CDYL2: variants seen among roughly 807,000 people sequenced by gnomAD.
CDYL2 encodes the protein chromodomain Y-like protein 2.
A neutral mutation model predicts 49.4 loss-of-function variants in CDYL2; 23 were observed. The ratio of observed to expected loss-of-function variants is 0.47; its 90% CI spans 0.34 to 0.66. CDYL2 has a LOEUF of 0.66. CDYL2 is among the 30% of genes least tolerant of loss of function. The pLI, the probability that CDYL2 is intolerant of heterozygous loss-of-function variation, is 0.01. For synonymous variants in CDYL2, 360 were observed against 268.8 expected, an observed-to-expected ratio of 1.34 and a Z score of -3.32; for missense variants, 678 against 656.4, an observed-to-expected ratio of 1.03 and a Z score of -0.36.
At chr16:80,752,327 C>G (rs1005969767) in intron 1 of CDYL2, among the ~76,000 whole-genome samples, 3 of 151,806 alleles carry the variant, frequency 2.0e-5, no homozygotes, top group African/African-American at 7.3e-5. Context: ...GACTGGTGTC[C>G]TAGAAGAGGA....
intron 2 of CDYL2, among the ~76,000 whole-genome samples, chr16:80,656,457 G>A (rs1362483536): frequency 2.0e-5 from 3 of 152,234 alleles, no homozygotes; most frequent in South Asian, 2.1e-4. Context: ...CAACTTGCTC[G>A]CCTGTTCTGT....
At chr16:80,657,624 G>T (rs1308224019) in intron 2 of CDYL2, among the ~76,000 whole-genome samples, 1 of 151,924 alleles carries the variant, frequency 6.6e-6, no homozygotes, top group Non-Finnish European at 1.5e-5. Flanking sequence ...CTTATGCTTG[G>T]CAAAAATTCA....
chr16:80,743,069 G>A (rs139032843), intron 1 of CDYL2, among the ~76,000 whole-genome samples: 362 of 152,214 alleles, frequency 2.4e-3, no homozygotes, highest in African/African-American at 8.1e-3. Context: ...GGGATGGACC[G>A]ACGGACGGAC....
intron 2 of CDYL2, among the ~76,000 whole-genome samples, chr16:80,669,815 G>C (rs1269679310): frequency 6.6e-6 from 1 of 152,208 alleles, no homozygotes; most frequent in Non-Finnish European, 1.5e-5. Context: ...GAGTATTTCT[G>C]CACACATGGG....
intron 3 of CDYL2, among the ~76,000 whole-genome samples, chr16:80,624,965 G>T (rs947582669): frequency 5.9e-5 from 9 of 152,080 alleles, no homozygotes; most frequent in Non-Finnish European, 1.3e-4. Context: ...ATTTAAAATT[G>T]GTGCTGTAGG....
intron 1 of CDYL2, 59 bp from the exon 2 acceptor site, chr16:80,685,188 C>G: frequency 5.8e-6 from 8 of 1,385,916 alleles, no homozygotes; most frequent in Non-Finnish European, 8.0e-6. Context: ...AAACTCAGTT[C>G]GAGGCAACAA....
At chr16:80,619,364 G>A (rs9936704) in intron 4 of CDYL2, among the ~76,000 whole-genome samples, 9,902 of 152,268 alleles carry the variant, frequency 0.065, 997 homozygotes, top group African/African-American at 0.22. Flanking sequence ...GGGTCTGCAT[G>A]CTAATGAGCT....
intron 1 of CDYL2, among the ~76,000 whole-genome samples, chr16:80,753,440 C>G (rs1273488155): frequency 6.6e-6 from 1 of 152,016 alleles, no homozygotes; most frequent in African/African-American, 2.4e-5. Flanking sequence ...GAAACCCCAT[C>G]TCTAATAAAA....
At chr16:80,785,065 T>TTAGTATAC (rs1274254866) in intron 1 of CDYL2, among the ~76,000 whole-genome samples, 2 of 152,102 alleles carry the variant, frequency 1.3e-5, no homozygotes, top group African/African-American at 2.4e-5. Flanking sequence ...GGCAAGATCA[T>TTAGTATAC]TAGTATACAG....
At chr16:80,745,119 G>A (rs1905881224) in intron 1 of CDYL2, among the ~76,000 whole-genome samples, 1 of 152,144 alleles carries the variant, frequency 6.6e-6, no homozygotes, top group Non-Finnish European at 1.5e-5. Flanking sequence ...CACGCTGGGG[G>A]CAGGTGCTGC....
intron 4 of CDYL2, among the ~76,000 whole-genome samples, chr16:80,620,086 G>T (rs1023359824): frequency 6.6e-6 from 1 of 152,210 alleles, no homozygotes; most frequent in Non-Finnish European, 1.5e-5. Context: ...TGAACACTGG[G>T]TGACAGCTGT....
At chr16:80,731,452 T>C (rs1475380054) in intron 1 of CDYL2, among the ~76,000 whole-genome samples, 1 of 151,940 alleles carries the variant, frequency 6.6e-6, no homozygotes, top group African/African-American at 2.4e-5. Flanking sequence ...TTCTGAAAAA[T>C]TCCCACAACA....
At chr16:80,757,836 C>A (rs116964140) in intron 1 of CDYL2, among the ~76,000 whole-genome samples, 1 of 151,838 alleles carries the variant, frequency 6.6e-6, no homozygotes, top group Non-Finnish European at 1.5e-5. Context: ...GCCAATTGGC[C>A]TATTATAAAT....
intron 3 of CDYL2, among the ~76,000 whole-genome samples, chr16:80,629,407 G>C (rs561144039): frequency 1.2e-4 from 19 of 152,340 alleles, no homozygotes; most frequent in African/African-American, 4.1e-4. Flanking sequence ...CTTGAGACAG[G>C]TTTGCACATG....
intron 1 of CDYL2, among the ~76,000 whole-genome samples, chr16:80,710,435 G>A (rs1904556580): frequency 6.6e-6 from 1 of 152,128 alleles, no homozygotes; most frequent in African/African-American, 2.4e-5. Flanking sequence ...GGACATAATT[G>A]AATAAGAAAA....
chr16:80,748,078 A>G (rs1042638800), intron 1 of CDYL2, among the ~76,000 whole-genome samples: 1 of 151,344 alleles, frequency 6.6e-6, no homozygotes, highest in African/African-American at 2.4e-5. Flanking sequence ...ACACCAGTTC[A>G]GCCATGGAGC....
intron 1 of CDYL2, among the ~76,000 whole-genome samples, chr16:80,755,067 C>T (rs1384614497): frequency 6.6e-6 from 1 of 152,160 alleles, no homozygotes; most frequent in African/African-American, 2.4e-5. Context: ...CTCAACCAGC[C>T]GCTGACCTTG....
chr16:80,636,185 A>C (rs762325426), intron 2 of CDYL2, among the ~76,000 whole-genome samples: 3 of 152,226 alleles, frequency 2.0e-5, no homozygotes, highest in Non-Finnish European at 4.4e-5. Context: ...AAGCAATGGT[A>C]AGAAAAGCCA....
intron 2 of CDYL2, among the ~76,000 whole-genome samples, chr16:80,647,672 G>C (rs975318470): frequency 6.6e-6 from 1 of 152,138 alleles, no homozygotes; most frequent in Admixed American, 6.5e-5. Flanking sequence ...GACTTCATCT[G>C]CACTATAGGC....
Sources: gnomAD v4.1 joint callset for allele counts (sites outside exome capture counted in the v4.1 genomes callset) on GRCh38, gnomAD v4.1.1 for gene constraint, MANE v1.5 for transcripts, NCBI Gene and HGNC (gene_info 2026-07-23, HGNC 2026-07-21) for gene names.